Variants in PTPRM observed in about 807,000 individuals in gnomAD.
The protein encoded by PTPRM is receptor-type tyrosine-protein phosphatase mu.
Under a neutral mutation model 186.7 loss-of-function variants are expected in PTPRM, and 47 were observed. The ratio of observed to expected loss-of-function variants is 0.25; its 90% CI spans 0.20 to 0.32. The LOEUF (loss-of-function observed/expected upper bound fraction) is 0.32. Ranked by LOEUF, PTPRM falls within the 10% of genes least tolerant of loss-of-function variation. The pLI is 1.00. For missense variants in PTPRM, 1,494 were observed against 1,865.0 expected (o/e 0.80, Z 3.66); for synonymous variants, 668 against 674.9 (o/e 0.99, Z 0.16).
chr18:7,649,850 CA>C (rs879453114), intron 1 of PTPRM, among the ~76,000 whole-genome samples: 19 of 128,704 alleles, frequency 1.5e-4, no homozygotes, highest in Non-Finnish European at 2.7e-4. Context: ...GACCTTCCAC[CA>C]CAAAAAAAAT....
In PTPRM at chr18:7,913,132, T is replaced by TTTTGATTG. The variant is rs1196093545; in HGVS notation, c.547+6551_547+6552insTGATTGTT. On this transcript the variant is annotated intron_variant, in intron 4 of 32. Coordinates refer to ENST00000580170, the MANE Select transcript of PTPRM (RefSeq NM_001105244.2). ...GTAGAATTGTTTTCTTAATTTTATT[T>TTTTGATTG]TTCGATTGTTCATTTCTCGCTTGTA... Among the ~76,000 whole-genome samples, 876 of 152,288 alleles carry TTTTGATTG rather than the reference T, an allele frequency of 5.8e-3. 4 individuals carry two copies. Among genetic ancestry groups the TTTTGATTG allele is most frequent in the Non-Finnish European group, 9.0e-3 (611 of 67,976 alleles).
intron 2 of PTPRM, among the ~76,000 whole-genome samples, chr18:7,871,188 T>A (rs138743006): frequency 8.6e-4 from 131 of 152,344 alleles, no homozygotes; most frequent in African/African-American, 3.0e-3. Flanking sequence ...ATTTCAGCTG[T>A]GGAGCACTGA....
At chr18:8,157,700 T>C (rs1382360070) in intron 14 of PTPRM, among the ~76,000 whole-genome samples, 1 of 152,236 alleles carries the variant, frequency 6.6e-6, no homozygotes. Flanking sequence ...AAAATTGTTC[T>C]CTGCAGATAA....
chr18:7,579,736 T>A (rs2036793905), intron 1 of PTPRM, among the ~76,000 whole-genome samples: 1 of 152,198 alleles, frequency 6.6e-6, no homozygotes, highest in South Asian at 2.1e-4. Context: ...AGATGACTCA[T>A]TCAGGGAAGA....
intron 5 of PTPRM, among the ~76,000 whole-genome samples, chr18:7,948,213 T>G (rs2052683727): frequency 6.7e-6 from 1 of 150,024 alleles, no homozygotes; most frequent in South Asian, 2.1e-4. Flanking sequence ...TTGTCCATAT[T>G]CGTATTTGTC....
chr18:8,150,373 T>C (rs918796167), intron 14 of PTPRM, among the ~76,000 whole-genome samples: 2 of 152,220 alleles, frequency 1.3e-5, no homozygotes, highest in Non-Finnish European at 2.9e-5. Flanking sequence ...TAATCTTGTC[T>C]TCTCACTTTA....
Position 7,984,572 on chromosome 18 carries a change from CATATATAT to C in PTPRM, c.1132+29182_1132+29189del, listed in dbSNP as rs71354583. 1.2e-3 allele frequency among the ~76,000 whole-genome samples: 106 copies of C among 88,668 alleles called. 3 individuals are homozygous for C. Among genetic ancestry groups the C allele is most frequent in the South Asian group, 0.01 (29 of 2,890 alleles). 58.2% of individuals were successfully genotyped at this position (88,668 alleles called of 152,430 possible). A position where few individuals can be genotyped will look rare whatever the true frequency, so the allele number is the denominator to read the frequency against. On this transcript the variant is annotated intron_variant, in intron 7 of 32. Coordinates refer to ENST00000580170, the MANE Select transcript of PTPRM (RefSeq NM_001105244.2). ...ATATATGCCCCATATATATATGCCC[CATATATAT>C]ATATATATATATATATATATATACA...
intron 2 of PTPRM, among the ~76,000 whole-genome samples, chr18:7,828,403 C>T (rs979200492): frequency 1.3e-5 from 2 of 151,954 alleles, no homozygotes; most frequent in East Asian, 1.9e-4. Context: ...TATCCCTCCC[C>T]GCTTCCCCCC....
At chr18:7,881,730 A>C (rs538436401) in intron 2 of PTPRM, among the ~76,000 whole-genome samples, 12 of 152,104 alleles carry the variant, frequency 7.9e-5, no homozygotes, top group Non-Finnish European at 1.5e-4. Context: ...TAAGACATGC[A>C]GATGTACGTG....
rs531943632 is a variant in PTPRM at position 8,099,427 on chromosome 18, T to A, written c.1856+10576T>A. ...AGACACAGGCTTCCATGAGTATTTG[T>A]TTATTTGTTTTGTTTTTATTATTTG... On this transcript the variant is annotated intron_variant, in intron 11 of 32. Transcript: ENST00000580170. Among the ~76,000 whole-genome samples, 4 of 152,290 alleles carry A rather than the reference T, an allele frequency of 2.6e-5. No homozygotes were observed. In the South Asian group the frequency reaches 8.3e-4, roughly 32 times the overall value.
At chr18:8,311,896 TA>T (rs750414750) in intron 20 of PTPRM, among the ~76,000 whole-genome samples, 50 of 152,058 alleles carry the variant, frequency 3.3e-4, no homozygotes, top group Non-Finnish European at 6.8e-4. Context: ...CCATGGGTGG[TA>T]AATCACAGGG....
At chr18:7,936,926 G>A (rs1186505462) in intron 5 of PTPRM, among the ~76,000 whole-genome samples, 5 of 152,262 alleles carry the variant, frequency 3.3e-5, no homozygotes, top group African/African-American at 1.2e-4. Flanking sequence ...CACTTGACTG[G>A]ATGACCTGCC....
chr18:8,139,730 G>T (rs2092720294), intron 13 of PTPRM, among the ~76,000 whole-genome samples: 1 of 152,034 alleles, frequency 6.6e-6, no homozygotes, highest in South Asian at 2.1e-4. Flanking sequence ...CTGCTCGAAT[G>T]TTATTTTCTC....
chr18:8,015,298 A>T (rs898273758), intron 7 of PTPRM, among the ~76,000 whole-genome samples: 2 of 152,248 alleles, frequency 1.3e-5, no homozygotes, highest in African/African-American at 4.8e-5. Flanking sequence ...GTTGATTGAC[A>T]CATATTTTTA....
At chr18:8,194,695 C>G (rs2093752643) in intron 14 of PTPRM, among the ~76,000 whole-genome samples, 1 of 152,212 alleles carries the variant, frequency 6.6e-6, no homozygotes, top group Non-Finnish European at 1.5e-5. Context: ...CTGTATTCAT[C>G]CAACATATCC....
chr18:8,324,346 CCTAT>C (rs1047072380), intron 22 of PTPRM, among the ~76,000 whole-genome samples: 4 of 152,108 alleles, frequency 2.6e-5, no homozygotes, highest in South Asian at 4.1e-4. Context: ...GGGTTTTCTG[CCTAT>C]CTGTTATTTT....
At chr18:7,750,353 A>G (rs1443694097) in intron 1 of PTPRM, among the ~76,000 whole-genome samples, 1 of 152,232 alleles carries the variant, frequency 6.6e-6, no homozygotes, top group Non-Finnish European at 1.5e-5. Context: ...AACATCTTTC[A>G]CATTCCTCTG....
At chr18:8,072,263 C>T (rs1384928209) in intron 8 of PTPRM, among the ~76,000 whole-genome samples, 4 of 152,130 alleles carry the variant, frequency 2.6e-5, no homozygotes, top group Admixed American at 6.5e-5. Context: ...AATGCAGTCA[C>T]TTCCAGATAT....
At chr18:8,041,699 A>G (rs1439890805) in intron 7 of PTPRM, among the ~76,000 whole-genome samples, 2 of 152,158 alleles carry the variant, frequency 1.3e-5, no homozygotes, top group African/African-American at 4.8e-5. Flanking sequence ...AGACTTAGTT[A>G]CTCTTTGTTG....
Sources: gnomAD v4.1 joint callset for allele counts (sites outside exome capture counted in the v4.1 genomes callset) on GRCh38, gnomAD v4.1.1 for gene constraint, MANE v1.5 for transcripts, NCBI Gene and HGNC (gene_info 2026-07-23, HGNC 2026-07-21) for gene names.